The following EPHA6 variants were observed in gnomAD, a reference collection of about 807,000 sequenced individuals.
EPHA6 encodes ephrin type-A receptor 6.
EPHA6 carries 50 observed loss-of-function variants against 112.0 expected under a neutral mutation model. That is an observed-to-expected ratio of 0.45 (90% CI 0.36 to 0.56). The LOEUF is 0.56. EPHA6 is among the 20% of genes least tolerant of loss of function. The pLI is 0.00. For missense variants in EPHA6, 1,280 were observed against 1,417.4 expected (o/e 0.90, Z 1.56); for synonymous variants, 529 against 490.7 (o/e 1.08, Z -1.03).
intron 14 of EPHA6, among the ~76,000 whole-genome samples, chr3:97,665,285 G>T (rs1306246437): frequency 6.6e-6 from 1 of 152,174 alleles, no homozygotes; most frequent in Non-Finnish European, 1.5e-5. Context: ...GCTGAAACTG[G>T]ATCCCTTCCT....
chr3:96,980,528 A>G (rs2042723593), intron 2 of EPHA6, among the ~76,000 whole-genome samples: 1 of 152,148 alleles, frequency 6.6e-6, no homozygotes, highest in Admixed American at 6.5e-5. Context: ...TTGTCTTGGC[A>G]ATGCGGGCTC....
intron 2 of EPHA6, among the ~76,000 whole-genome samples, chr3:96,912,090 A>G (rs181880346): frequency 1.3e-5 from 2 of 152,204 alleles, no homozygotes; most frequent in East Asian, 1.9e-4. Flanking sequence ...GACAAGATTC[A>G]CTTTTCAAAG....
intron 2 of EPHA6, among the ~76,000 whole-genome samples, chr3:96,882,746 G>GTGTGTGTGTGTGTGTGTGTGTGTT (rs2037392533): frequency 6.9e-6 from 1 of 145,272 alleles, no homozygotes; most frequent in South Asian, 2.2e-4. Flanking sequence ...GTGTGTGTGT[G>GTGTGTGTGTGTGTGTGTGTGTGTT]TGTGTGTGTG....
At chr3:97,588,281 C>A (rs1196552352) in intron 11 of EPHA6, among the ~76,000 whole-genome samples, 2 of 152,070 alleles carry the variant, frequency 1.3e-5, no homozygotes, top group African/African-American at 4.8e-5. Flanking sequence ...AGAAGAGGAC[C>A]AAACACAGTA....
At chr3:97,648,307 CTT>C (rs1192571342) in intron 14 of EPHA6, 3 of 1,350,070 alleles carry the variant, frequency 2.2e-6, no homozygotes, top group Non-Finnish European at 3.2e-6. Context: ...AACTCTAACA[CTT>C]AACCTCTGCT....
intron 14 of EPHA6, among the ~76,000 whole-genome samples, chr3:97,668,083 C>A (rs2030344811): frequency 6.6e-6 from 1 of 152,076 alleles, no homozygotes; most frequent in African/African-American, 2.4e-5. Context: ...TGGAATTGGT[C>A]TATGACAACT....
intron 14 of EPHA6, among the ~76,000 whole-genome samples, chr3:97,640,914 G>A (rs1278915689): frequency 6.6e-6 from 1 of 152,122 alleles, no homozygotes; most frequent in East Asian, 1.9e-4. Flanking sequence ...ACTTTAATTA[G>A]GGCAATGACA....
chr3:97,618,621 A>C (rs1368316345), intron 13 of EPHA6, among the ~76,000 whole-genome samples: 3 of 152,140 alleles, frequency 2.0e-5, no homozygotes, highest in Non-Finnish European at 2.9e-5. Flanking sequence ...CGATCAGAGA[A>C]TACTATAAAC....
chr3:97,356,858 T>C (rs1000427982), intron 5 of EPHA6, among the ~76,000 whole-genome samples: 6 of 152,172 alleles, frequency 3.9e-5, no homozygotes, highest in African/African-American at 1.4e-4. Context: ...GTGGTTTTTC[T>C]CTCCATTATT....
At chr3:97,330,707 A>T (rs2082749659) in intron 5 of EPHA6, among the ~76,000 whole-genome samples, 1 of 152,164 alleles carries the variant, frequency 6.6e-6, no homozygotes, top group African/African-American at 2.4e-5. Context: ...TATCCTAAAT[A>T]TATATGCACC....
intron 11 of EPHA6, among the ~76,000 whole-genome samples, chr3:97,579,636 C>T (rs1159931140): frequency 6.6e-6 from 1 of 152,134 alleles, no homozygotes; most frequent in Non-Finnish European, 1.5e-5. Flanking sequence ...GACAATAAGA[C>T]TGCACCATTA....
intron 12 of EPHA6, among the ~76,000 whole-genome samples, chr3:97,606,551 A>G (rs2093681388): frequency 6.6e-6 from 1 of 151,358 alleles, no homozygotes; most frequent in Non-Finnish European, 1.5e-5. Flanking sequence ...TAACAGGAAA[A>G]GAAAGTTCAA....
intron 2 of EPHA6, among the ~76,000 whole-genome samples, chr3:96,901,477 T>G (rs1187194522): frequency 1.5e-5 from 2 of 137,336 alleles, no homozygotes; most frequent in Non-Finnish European, 3.0e-5. Flanking sequence ...TGGGAAAAGA[T>G]TTTTTTTTTT....
At chr3:97,417,418 TA>T (rs2088216854) in intron 6 of EPHA6, among the ~76,000 whole-genome samples, 1 of 152,090 alleles carries the variant, frequency 6.6e-6, no homozygotes, top group African/African-American at 2.4e-5. Context: ...TTTCTTTTTT[TA>T]ATGGAAAAAA....
intron 5 of EPHA6, among the ~76,000 whole-genome samples, chr3:97,311,581 A>T (rs1400363686): frequency 6.6e-6 from 1 of 151,782 alleles, no homozygotes; most frequent in Non-Finnish European, 1.5e-5. Flanking sequence ...TGGCAACTTC[A>T]AAGAAATTTA....
At chr3:97,083,378 T>C (rs1489197033) in intron 3 of EPHA6, among the ~76,000 whole-genome samples, 1 of 151,998 alleles carries the variant, frequency 6.6e-6, no homozygotes, top group Admixed American at 6.6e-5. Context: ...TAATTGAAGA[T>C]TATTGACCAT....
chr3:97,584,860 G>A (rs1043778354), intron 11 of EPHA6, among the ~76,000 whole-genome samples: 1 of 152,168 alleles, frequency 6.6e-6, no homozygotes, highest in African/African-American at 2.4e-5. Flanking sequence ...AAACCAATAT[G>A]TTTATTATTA....
At chr3:97,138,939 G>A (rs996740044) in intron 3 of EPHA6, among the ~76,000 whole-genome samples, 1 of 152,196 alleles carries the variant, frequency 6.6e-6, no homozygotes, top group Admixed American at 6.5e-5. Context: ...ACCTAGGTGT[G>A]TCCCAGTGCC....
rs537504314 is a variant in EPHA6 at position 96,977,414 on chromosome 3, G to A, written c.451-9916G>A. ...GGATGATGAGAAATTACTTAATGGTGCAATGTACATTATTCCGGTGATGAG... is the reference window on the plus strand; with the variant it reads ...GGATGATGAGAAATTACTTAATGGTACAATGTACATTATTCCGGTGATGAG... On this transcript the variant is annotated intron_variant, in intron 2 of 17. Transcript: ENST00000389672. Among the ~76,000 whole-genome samples the A allele has an allele frequency of 2.4e-4, 36 of 152,172 alleles. 1 individual carries two copies. Among genetic ancestry groups the A allele is most frequent in the African/African-American group, 6.3e-4 (26 of 41,536 alleles).
Sources: gnomAD v4.1 joint callset for allele counts (sites outside exome capture counted in the v4.1 genomes callset) on GRCh38, gnomAD v4.1.1 for gene constraint, MANE v1.5 for transcripts, NCBI Gene and HGNC (gene_info 2026-07-23, HGNC 2026-07-21) for gene names.